PHACTR1: variants seen among roughly 807,000 people sequenced by gnomAD.
PHACTR1 encodes the protein RPEL repeat containing 1.
In PHACTR1, 16 loss-of-function variants were observed where a neutral mutation model predicts 69.2. The ratio of observed to expected loss-of-function variants is 0.23; its 90% confidence interval spans 0.16 to 0.35. The LOEUF is 0.35. PHACTR1 is among the 10% of genes least tolerant of loss of function. The probability of loss-of-function intolerance (pLI) is 1.00; values close to 1 mark genes in which losing one functional copy is unlikely to be tolerated. For synonymous variants in PHACTR1, 312 were observed against 284.5 expected, an observed-to-expected ratio of 1.10 and a Z score of -0.97; for missense variants, 510 against 734.7, an observed-to-expected ratio of 0.69 and a Z score of 3.54.
intron 4 of PHACTR1, among the ~76,000 whole-genome samples, chr6:12,769,091 G>A (rs1416325392): frequency 2.6e-5 from 4 of 151,978 alleles, no homozygotes; most frequent in African/African-American, 9.7e-5. Flanking sequence ...TGTCAATGGG[G>A]AGGACTGGGA....
At chr6:13,040,912 T>A (rs143935112) in intron 4 of PHACTR1, among the ~76,000 whole-genome samples, 215 of 152,314 alleles carry the variant, frequency 1.4e-3, no homozygotes, top group African/African-American at 4.9e-3. Flanking sequence ...CAAGTCATGA[T>A]TAAATGCACT....
At chr6:12,811,723 C>T (rs72835688) in intron 4 of PHACTR1, among the ~76,000 whole-genome samples, 7,044 of 152,268 alleles carry the variant, frequency 0.046, 224 homozygotes, top group Middle Eastern at 0.13. Flanking sequence ...CTTTCTGAAG[C>T]AGCTCTGGTC....
chr6:12,721,529 C>T (rs988744697), intron 3 of PHACTR1, among the ~76,000 whole-genome samples: 2 of 152,190 alleles, frequency 1.3e-5, no homozygotes, highest in Non-Finnish European at 2.9e-5. Context: ...CATTTCTTGT[C>T]CTGTCAAAAC....
intron 5 of PHACTR1, among the ~76,000 whole-genome samples, chr6:13,067,151 A>G (rs1451506892): frequency 6.6e-6 from 1 of 152,212 alleles, no homozygotes; most frequent in Non-Finnish European, 1.5e-5. Flanking sequence ...TGCTCTGCTC[A>G]TATTACTATG....
rs868313626 is a variant in PHACTR1 at position 12,866,972 on chromosome 6, C to G, written c.250+117182C>G. ...TTTTTTATCCTCCTCTCTCCCTCCC[C>G]CCAGTTGCCCATTGTGTTTGCTAAG... On this transcript the variant is annotated intron_variant, in intron 4 of 14. Coordinates refer to ENST00000332995, the MANE Select transcript of PHACTR1 (RefSeq NM_030948.6). 8.5e-5 allele frequency among the ~76,000 whole-genome samples: 13 copies of G among 152,260 alleles called. 1 individual carries two copies. Among genetic ancestry groups the G allele is most frequent in the African/African-American group, 2.4e-4 (10 of 41,556 alleles).
In PHACTR1 at chr6:13,053,389, C is replaced by T. The variant is rs767982489; in HGVS notation, c.275C>T (p.Ala92Val). The T allele has an allele frequency of 7.5e-6, 12 of 1,609,786 alleles. No homozygotes were observed. The highest frequency in any genetic ancestry group is 1.7e-4 in the Middle Eastern group (1 of 6,054). Residue 92 changes from alanine (A) to valine (V), a missense_variant, in exon 5 of 15, where the codon GCG (alanine) becomes GTG (valine). This residue lies in a region of PHACTR1 where 419 missense variants were observed against 530.9 expected (regional missense o/e 0.79). Coordinates refer to ENST00000332995, the MANE Select transcript of PHACTR1 (RefSeq NM_030948.6). ...GAAEEVERLA[A>V]MRSDSLVPGT... ...GCTGAGGAAGTGGAGAGGCTGGCGG[C>T]GATGCGTTCTGACTCCCTCGTCCCA...
intron 5 of PHACTR1, among the ~76,000 whole-genome samples, chr6:13,106,463 C>T (rs1561838541): frequency 6.6e-6 from 1 of 152,006 alleles, no homozygotes; most frequent in East Asian, 1.9e-4. Flanking sequence ...TTTGCAGGTG[C>T]CCTTTGTTTA....
At chr6:12,962,117 G>A (rs368937149) in intron 4 of PHACTR1, among the ~76,000 whole-genome samples, 4 of 151,808 alleles carry the variant, frequency 2.6e-5, no homozygotes, top group East Asian at 1.9e-4. Context: ...TTAATTTTTT[G>A]TAGTGACAGA....
chr6:13,103,016 C>G (rs903652355), intron 5 of PHACTR1, among the ~76,000 whole-genome samples: 1 of 152,168 alleles, frequency 6.6e-6, no homozygotes, highest in Admixed American at 6.5e-5. Flanking sequence ...CTTTCTGGAA[C>G]TTAAGAGGCT....
chr6:12,740,331 C>A (rs1001908086), intron 3 of PHACTR1, among the ~76,000 whole-genome samples: 4 of 152,216 alleles, frequency 2.6e-5, no homozygotes, highest in Admixed American at 2.0e-4. Flanking sequence ...TAAACAAAGT[C>A]TTCCAAGGTG....
chr6:12,835,857 C>T (rs1778100830), intron 4 of PHACTR1, among the ~76,000 whole-genome samples: 1 of 151,870 alleles, frequency 6.6e-6, no homozygotes, highest in Admixed American at 6.6e-5. Context: ...GGGACACACA[C>T]AAAAGAAAAT....
intron 4 of PHACTR1, among the ~76,000 whole-genome samples, chr6:12,777,339 C>T (rs7758513): frequency 0.37 from 56,066 of 151,148 alleles, 11,187 homozygotes; most frequent in African/African-American, 0.5. Context: ...ATTATTTCAT[C>T]GCCCAGGTAA....
At chr6:12,922,211 C>G (rs931843335) in intron 4 of PHACTR1, among the ~76,000 whole-genome samples, 1 of 152,126 alleles carries the variant, frequency 6.6e-6, no homozygotes, top group Non-Finnish European at 1.5e-5. Context: ...GGACTCTTCT[C>G]CTTGCAAGAT....
intron 4 of PHACTR1, among the ~76,000 whole-genome samples, chr6:12,944,317 G>C (rs963580575): frequency 3.9e-5 from 6 of 152,248 alleles, no homozygotes; most frequent in African/African-American, 1.2e-4. Context: ...ATTACAATTT[G>C]GCCTGTCTGT....
intron 10 of PHACTR1, among the ~76,000 whole-genome samples, chr6:13,234,427 T>G (rs148757000): frequency 6.6e-6 from 1 of 152,204 alleles, no homozygotes; most frequent in East Asian, 1.9e-4. Flanking sequence ...CTGGAAATCT[T>G]AGGCTCTTTG....
chr6:13,093,826 A>G (rs1242360560), intron 5 of PHACTR1, among the ~76,000 whole-genome samples: 1 of 152,250 alleles, frequency 6.6e-6, no homozygotes, highest in Non-Finnish European at 1.5e-5. Context: ...AATGCTGGAC[A>G]GAATCTGATT....
At chr6:12,841,010 G>A (rs1468615162) in intron 4 of PHACTR1, among the ~76,000 whole-genome samples, 3 of 152,208 alleles carry the variant, frequency 2.0e-5, no homozygotes, top group East Asian at 1.9e-4. Flanking sequence ...TGGAACTCAC[G>A]AAAGTGGCAC....
At chr6:13,263,206 A>T (rs1215760805) in intron 10 of PHACTR1, among the ~76,000 whole-genome samples, 1 of 151,288 alleles carries the variant, frequency 6.6e-6, no homozygotes, top group Non-Finnish European at 1.5e-5. Flanking sequence ...CCAAGGTCAA[A>T]ACTGAAGTGT....
chr6:13,149,052 A>C (rs1319255129), intron 5 of PHACTR1, among the ~76,000 whole-genome samples: 1 of 150,550 alleles, frequency 6.6e-6, no homozygotes, highest in Non-Finnish European at 1.5e-5. Context: ...TGTTTGTTTC[A>C]AATGTTTACC....
Sources: gnomAD v4.1 joint callset for allele counts (sites outside exome capture counted in the v4.1 genomes callset) on GRCh38, gnomAD v4.1.1 for gene constraint, gnomAD v4.1.1 regional missense constraint, MANE v1.5 for transcripts, NCBI Gene and HGNC (gene_info 2026-07-23, HGNC 2026-07-21) for gene names.